The following SPATA16 variants were observed in gnomAD, a reference collection of about 807,000 sequenced individuals.
SPATA16 encodes spermatogenesis-associated protein 16.
In SPATA16, 36 loss-of-function variants were observed where a neutral mutation model predicts 63.3. The ratio of observed to expected loss-of-function variants is 0.57; its 90% CI spans 0.44 to 0.75. The LOEUF (loss-of-function observed/expected upper bound fraction) is 0.75, where lower values mean the gene tolerates loss of function less well. Among genes scored for constraint, SPATA16 ranks in the 30% least tolerant of loss-of-function variants. SPATA16 has a pLI of 0.00. For missense variants in SPATA16, 646 were observed against 679.3 expected (o/e 0.95, Z 0.54); for synonymous variants, 203 against 216.7 (o/e 0.94, Z 0.56).
intron 2 of SPATA16, among the ~76,000 whole-genome samples, chr3:173,077,738 A>G (rs1462278904): frequency 1.3e-5 from 2 of 152,182 alleles, no homozygotes; most frequent in African/African-American, 4.8e-5. Context: ...AGGCTCTGTG[A>G]AAATGTTTTC....
At chr3:172,921,441 CA>C (rs1303377502) in intron 8 of SPATA16, among the ~76,000 whole-genome samples, 4 of 152,122 alleles carry the variant, frequency 2.6e-5, no homozygotes, top group Non-Finnish European at 1.5e-5. Flanking sequence ...AGCATGGTCA[CA>C]GCCTGCTGTC....
chr3:173,058,022 C>T (rs539330939), intron 2 of SPATA16, among the ~76,000 whole-genome samples: 1 of 152,084 alleles, frequency 6.6e-6, no homozygotes, highest in East Asian at 1.9e-4. Context: ...AGAAAAGACC[C>T]TCAAAATTCT....
chr3:172,933,687 A>C (rs890855129), intron 6 of SPATA16, among the ~76,000 whole-genome samples: 2 of 152,126 alleles, frequency 1.3e-5, no homozygotes, highest in African/African-American at 4.8e-5. Context: ...AAGCAGTCCC[A>C]CCTGTGGATC....
chr3:173,022,730 A>C (rs1735361680), intron 3 of SPATA16, among the ~76,000 whole-genome samples: 1 of 151,130 alleles, frequency 6.6e-6, no homozygotes, highest in African/African-American at 2.4e-5. Flanking sequence ...GGACAATCTC[A>C]CTGCAGTTAC....
intron 6 of SPATA16, among the ~76,000 whole-genome samples, chr3:172,949,371 G>T (rs1016910617): frequency 1.3e-5 from 2 of 152,114 alleles, no homozygotes; most frequent in Admixed American, 1.3e-4. Context: ...TATTAGAGGA[G>T]AAATAAATAG....
At chr3:172,908,969 T>C (rs1732301126) in intron 10 of SPATA16, among the ~76,000 whole-genome samples, 1 of 152,180 alleles carries the variant, frequency 6.6e-6, no homozygotes, top group Admixed American at 6.5e-5. Flanking sequence ...ATTAACCAAA[T>C]TAAAAGCCCT....
intron 6 of SPATA16, among the ~76,000 whole-genome samples, chr3:172,928,957 G>A (rs576321557): frequency 6.6e-6 from 1 of 152,270 alleles, no homozygotes; most frequent in South Asian, 2.1e-4. Context: ...CTTACCAGAT[G>A]TTGAATCTCA....
intron 4 of SPATA16, among the ~76,000 whole-genome samples, chr3:173,012,314 G>A (rs1425661993): frequency 3.3e-5 from 5 of 152,156 alleles, no homozygotes; most frequent in Non-Finnish European, 5.9e-5. Flanking sequence ...CAGACTAATG[G>A]ATTTGCAGAA....
At chr3:173,075,469 A>G (rs1394752470) in intron 2 of SPATA16, among the ~76,000 whole-genome samples, 3 of 152,232 alleles carry the variant, frequency 2.0e-5, no homozygotes, top group Admixed American at 2.0e-4. Context: ...TCAAAGAGAT[A>G]TACTTCCATG....
At chr3:173,021,748 T>G (rs1046246214) in intron 3 of SPATA16, among the ~76,000 whole-genome samples, 8 of 150,272 alleles carry the variant, frequency 5.3e-5, no homozygotes, top group Admixed American at 2.7e-4. Context: ...ATTTATTTAT[T>G]TATTTATTTA....
At chr3:173,098,216 C>A (rs1248935169) in intron 2 of SPATA16, among the ~76,000 whole-genome samples, 1 of 151,940 alleles carries the variant, frequency 6.6e-6, no homozygotes, top group African/African-American at 2.4e-5. Flanking sequence ...ACCCAGCCAT[C>A]CTGAATCTGT....
At chr3:172,913,419 T>C (rs1014991792) in intron 10 of SPATA16, among the ~76,000 whole-genome samples, 2 of 151,718 alleles carry the variant, frequency 1.3e-5, no homozygotes, top group African/African-American at 2.4e-5. Flanking sequence ...AAAATGAGCA[T>C]GATAATGAAG....
chr3:173,129,022 T>A (rs186302897), intron 1 of SPATA16, among the ~76,000 whole-genome samples: 1 of 152,370 alleles, frequency 6.6e-6, no homozygotes, highest in Non-Finnish European at 1.5e-5. Flanking sequence ...CTTTAAAGTC[T>A]AAATGGCTAC....
At chr3:172,939,031 A>C (rs1733080894) in intron 6 of SPATA16, among the ~76,000 whole-genome samples, 1 of 152,180 alleles carries the variant, frequency 6.6e-6, no homozygotes, top group Admixed American at 6.5e-5. Context: ...AACCAATTAG[A>C]AATTAAAAAG....
intron 10 of SPATA16, among the ~76,000 whole-genome samples, chr3:172,893,109 C>T (rs942518646): frequency 7.9e-5 from 12 of 152,294 alleles, no homozygotes; most frequent in African/African-American, 2.9e-4. Flanking sequence ...CCTTTTAATT[C>T]ACACTTAAAC....
chr3:172,919,680 T>A (rs1460717694), intron 8 of SPATA16, among the ~76,000 whole-genome samples: 2 of 151,612 alleles, frequency 1.3e-5, no homozygotes, highest in Non-Finnish European at 2.9e-5. Flanking sequence ...TTTTTAATTC[T>A]TTATTTTTTT....
chr3:173,055,468 T>G (rs1736199467), intron 2 of SPATA16, among the ~76,000 whole-genome samples: 1 of 152,194 alleles, frequency 6.6e-6, no homozygotes, highest in South Asian at 2.1e-4. Flanking sequence ...TAGTGATCCA[T>G]GCAGTGACTT....
rs149086660 is a variant in SPATA16 at position 173,029,715 on chromosome 3, C to T, written c.759-10140G>A. Among the ~76,000 whole-genome samples the T allele has an allele frequency of 4.3e-3, 651 of 152,116 alleles. 4 individuals are homozygous for T. The highest frequency in any genetic ancestry group is 6.9e-3 in the Non-Finnish European group (472 of 67,958). ...ATAGTCTGGAGCAAAGACCAGTCAG[C>T]GCCTTGGTCACAAGATATGCAAAAC... On this transcript the variant is annotated intron_variant, in intron 3 of 10. Transcript: ENST00000351008.
At chr3:172,996,488 T>C (rs1734694792) in intron 4 of SPATA16, among the ~76,000 whole-genome samples, 2 of 152,104 alleles carry the variant, frequency 1.3e-5, no homozygotes, top group Non-Finnish European at 2.9e-5. Context: ...ATTAATAAGC[T>C]TTATATTTTT....
Sources: gnomAD v4.1 joint callset for allele counts (sites outside exome capture counted in the v4.1 genomes callset) on GRCh38, gnomAD v4.1.1 for gene constraint, MANE v1.5 for transcripts, NCBI Gene and HGNC (gene_info 2026-07-23, HGNC 2026-07-21) for gene names.